Variants in APCDD1 observed in about 807,000 individuals in gnomAD.
APCDD1 encodes the protein APC down-regulated 1.
Under a neutral mutation model 38.1 loss-of-function variants are expected in APCDD1, and 15 were observed. The ratio of observed to expected loss-of-function variants is 0.39; its 90% CI spans 0.26 to 0.61. The LOEUF (loss-of-function observed/expected upper bound fraction) is 0.61, where lower values mean the gene tolerates loss of function less well. Ranked by LOEUF, APCDD1 falls within the 20% of genes least tolerant of loss-of-function variation. The pLI is 0.49. For missense variants in APCDD1, 647 were observed against 696.2 expected, an observed-to-expected ratio of 0.93 and a Z score of 0.79; for synonymous variants, 261 against 279.7, an observed-to-expected ratio of 0.93 and a Z score of 0.67.
rs1468078259 is a variant in APCDD1 at position 10,470,174 on chromosome 18, G to A, written c.243-1356G>A. ...TGCAGGAGCAACTGAGAAGTGAGTGGGCCTGAGATCCACTGTACGTGGCAG... is the reference window on the plus strand; with the variant it reads ...TGCAGGAGCAACTGAGAAGTGAGTGAGCCTGAGATCCACTGTACGTGGCAG... On this transcript the variant is annotated intron_variant, in intron 2 of 4. Coordinates refer to ENST00000355285, the MANE Select transcript of APCDD1 (RefSeq NM_153000.5). The surrounding 1 kb of genome is among the most constrained non-coding windows in gnomAD (Gnocchi z 4.1). Among the ~76,000 whole-genome samples the A allele has an allele frequency of 3.9e-5, 6 of 152,142 alleles. No individual in the cohort carries two copies. The highest frequency in any genetic ancestry group is 8.8e-5 in the Non-Finnish European group (6 of 68,030).
At chr18:10,459,095 C>A (rs531015849) in intron 1 of APCDD1, among the ~76,000 whole-genome samples, 1 of 152,298 alleles carries the variant, frequency 6.6e-6, no homozygotes, top group East Asian at 1.9e-4. Flanking sequence ...TTCAGCTAAC[C>A]ATTTATTCAG....
chr18:10,478,673 C>T (rs149101531), intron 3 of APCDD1, among the ~76,000 whole-genome samples: 362 of 152,322 alleles, frequency 2.4e-3, no homozygotes, highest in South Asian at 5.6e-3. Flanking sequence ...GCCCCACCTC[C>T]TAATTTCCTC....
chr18:10,474,050 A>G (rs1391484173), intron 3 of APCDD1: 1 of 151,846 alleles, frequency 6.6e-6, no homozygotes, highest in Non-Finnish European at 1.5e-5. Context: ...TCAGCCTCCA[A>G]GTAGCTGGAA....
At chr18:10,455,074 C>G in intron 1 of APCDD1, 35 bp downstream of exon 1, 2 of 1,550,036 alleles carry the variant, frequency 1.3e-6, no homozygotes, top group Non-Finnish European at 1.7e-6. Flanking sequence ...CGCTCCCAGC[C>G]GGCGGAGGCA....
At position 10,471,990 on chromosome 18, in the gene APCDD1, A is replaced by G. The variant is rs1201784340; in HGVS notation, c.703A>G (p.Ile235Val). ...HLVEELFLGD[I>V]HTDATQRMFY... Reference sequence around the variant, plus strand: ...GGTCGAGGAGCTCTTCCTTGGTGACATTCACACTGATGCCACCCAGAGGAT... The same window carrying G: ...GGTCGAGGAGCTCTTCCTTGGTGACGTTCACACTGATGCCACCCAGAGGAT... The change falls in exon 3 of 5, where the codon ATT becomes GTT. Residue 235 changes from isoleucine to valine, a missense_variant. Ile to Val is a conservative substitution (Grantham distance 29). Transcript: ENST00000355285. The surrounding 1 kb of genome is among the most constrained non-coding windows in gnomAD (Gnocchi z 5.5). 2.5e-6 allele frequency: 4 copies of G among 1,613,874 alleles called. No individual in the cohort carries two copies. The African/African-American group carries it at 4.0e-5, about 16-fold the overall frequency.
intron 1 of APCDD1, among the ~76,000 whole-genome samples, chr18:10,466,975 G>A (rs1000064024): frequency 2.6e-5 from 4 of 152,188 alleles, no homozygotes; most frequent in African/African-American, 7.2e-5. Flanking sequence ...CTGTAAGAAC[G>A]ATCAGAAGCT....
At position 10,467,093 on chromosome 18, in the gene APCDD1, A is replaced by G. The variant is rs192654109; in HGVS notation, c.59-1376A>G. Among the ~76,000 whole-genome samples, 2 of 152,328 alleles carry G rather than the reference A, an allele frequency of 1.3e-5. No individual in the cohort carries two copies. Among genetic ancestry groups the G allele is most frequent in the Admixed American group, 1.3e-4 (2 of 15,308 alleles). On this transcript the variant is annotated intron_variant, in intron 1 of 4. Transcript: ENST00000355285. This position sits in a 1 kb window ranked among gnomAD's most constrained non-coding sequence, Gnocchi z 4.8. ...AAGACTTTCCATCAAAAACTAGTTT[A>G]GTCTTTTGAATGTTTTGTCCACATG...
chr18:10,463,722 C>T (rs1215980656), intron 1 of APCDD1, among the ~76,000 whole-genome samples: 3 of 152,222 alleles, frequency 2.0e-5, no homozygotes, highest in Non-Finnish European at 2.9e-5. Context: ...TCAGTTTCTC[C>T]TGCCTTACTG....
At chr18:10,458,653 G>A (rs945204180) in intron 1 of APCDD1, among the ~76,000 whole-genome samples, 1 of 152,128 alleles carries the variant, frequency 6.6e-6, no homozygotes, top group African/African-American at 2.4e-5. Flanking sequence ...AATGAGAAAA[G>A]AACTAAATAT....
intron 1 of APCDD1, among the ~76,000 whole-genome samples, chr18:10,461,262 TA>T (rs2030534522): frequency 6.6e-6 from 1 of 152,198 alleles, no homozygotes; most frequent in Non-Finnish European, 1.5e-5. Flanking sequence ...AATTATGTCC[TA>T]AAGCACACAG....
chr18:10,487,556 C>T, intron 4 of APCDD1, 34 bp from the exon 5 acceptor site: 2 of 1,607,732 alleles, frequency 1.2e-6, no homozygotes, highest in Non-Finnish European at 1.7e-6. Flanking sequence ...CGCCTACTCC[C>T]TGGAGTCATG....
At chr18:10,462,536 TCCTC>T (rs750413914) in intron 1 of APCDD1, among the ~76,000 whole-genome samples, 1 of 72,902 alleles carries the variant, frequency 1.4e-5, no homozygotes, top group Admixed American at 1.4e-4. Flanking sequence ...GACCCTCCCT[TCCTC>T]CCTTCCTTCC....
At position 10,485,923 on chromosome 18, in the gene APCDD1, T is replaced by C; in HGVS notation, c.1096+140T>C. ...AATTGGGGAGTCATTTCTGCCTCAG[T>C]CCTTCCCAACGCCCTCTGAGTTTCT... On this transcript the variant is annotated intron_variant, in intron 4 of 4. Coordinates refer to ENST00000355285, the MANE Select transcript of APCDD1 (RefSeq NM_153000.5). The surrounding 1 kb of genome is among the most constrained non-coding windows in gnomAD (Gnocchi z 5.8). 1.0e-6 allele frequency: 1 copy of C among 967,022 alleles called. No individual in the cohort carries two copies. Among genetic ancestry groups the C allele is most frequent in the Non-Finnish European group, 1.6e-6 (1 of 631,494 alleles). The allele number at this position is 967,022 out of a possible 1,614,324, so 59.9% of individuals were successfully genotyped here. A position where few individuals can be genotyped will look rare whatever the true frequency, so the allele number is the denominator to read the frequency against.
chr18:10,479,590 C>A (rs1165513637), intron 3 of APCDD1, among the ~76,000 whole-genome samples: 2 of 152,200 alleles, frequency 1.3e-5, no homozygotes, highest in African/African-American at 4.8e-5. Context: ...TTCTCTGCAG[C>A]CTGAGGCAGC....
intron 3 of APCDD1, among the ~76,000 whole-genome samples, chr18:10,482,447 G>T (rs1377041336): frequency 6.6e-6 from 1 of 152,220 alleles, no homozygotes; most frequent in Non-Finnish European, 1.5e-5. Context: ...GGAGTGCGCA[G>T]CTCCTCCTGG....
intron 4 of APCDD1, among the ~76,000 whole-genome samples, chr18:10,486,559 TGTCACCTGCTTGGAGGTGGGA>T: frequency 6.6e-6 from 1 of 152,254 alleles, no homozygotes; most frequent in Admixed American, 6.5e-5. Context: ...ATTGAGAGGT[TGTCACCTGCTTGGAGGTGGGA>T]GCATCTGTGG....
intron 1 of APCDD1, among the ~76,000 whole-genome samples, chr18:10,464,339 CACACAG>C (rs1269197649): frequency 3.3e-5 from 5 of 150,842 alleles, no homozygotes; most frequent in African/African-American, 7.4e-5. Flanking sequence ...CACACACACA[CACACAG>C]ACACACACAC....
In APCDD1 at chr18:10,470,651, G is replaced by A. The variant is rs2030828649; in HGVS notation, c.243-879G>A. Among the ~76,000 whole-genome samples the A allele has an allele frequency of 7.2e-5, 11 of 152,242 alleles. No individual in the cohort carries two copies. Among genetic ancestry groups the A allele is most frequent in the Admixed American group, 7.2e-4 (11 of 15,280 alleles). ...GAGCTGAAAGTCATGGCGTAACTGA[G>A]ACTAGGAGCTAACAAAAGGCTAAGG... On this transcript the variant is annotated intron_variant, in intron 2 of 4. Transcript: ENST00000355285. The surrounding 1 kb of genome is among the most constrained non-coding windows in gnomAD (Gnocchi z 4.1).
intron 3 of APCDD1, among the ~76,000 whole-genome samples, chr18:10,478,414 A>G (rs2031057523): frequency 6.6e-6 from 1 of 152,158 alleles, no homozygotes; most frequent in South Asian, 2.1e-4. Context: ...CTGCCATAGC[A>G]AAGCAGCATG....
Sources: gnomAD v4.1 joint callset for allele counts (sites outside exome capture counted in the v4.1 genomes callset) on GRCh38, gnomAD v4.1.1 for gene constraint, Gnocchi (gnomAD v3.1) non-coding constraint, MANE v1.5 for transcripts, NCBI Gene and HGNC (gene_info 2026-07-23, HGNC 2026-07-21) for gene names.